Variants in NXNL1 observed in about 807,000 individuals in gnomAD.
NXNL1 encodes nucleoredoxin like 1.
Under a neutral mutation model 7.2 loss-of-function variants are expected in NXNL1, and 6 were observed. The ratio of observed to expected loss-of-function variants is 0.83; its 90% CI spans 0.46 to 1.64. The LOEUF (loss-of-function observed/expected upper bound fraction) is 1.64. NXNL1 is among the 40% of genes most tolerant of loss of function. The probability of loss-of-function intolerance (pLI) is 0.01; values close to 1 mark genes in which losing one functional copy is unlikely to be tolerated. For missense variants in NXNL1, 308 were observed against 285.1 expected, an observed-to-expected ratio of 1.08 and a Z score of -0.58; for synonymous variants, 133 against 127.2, an observed-to-expected ratio of 1.05 and a Z score of -0.31.
intron 1 of NXNL1, among the ~76,000 whole-genome samples, chr19:17,456,607 C>T (rs535250593): frequency 1.3e-5 from 2 of 152,068 alleles, no homozygotes; most frequent in Non-Finnish European, 2.9e-5. Flanking sequence ...GCTTGGCCGG[C>T]GTGGTGGCTC....
In NXNL1 at chr19:17,455,872, G is replaced by T. The variant is rs1249508323; in HGVS notation, c.414C>A (p.Ala138=). The change falls in exon 2 of 2, where the codon GCC becomes GCA. Residue 138 remains alanine, a synonymous_variant. Coordinates refer to ENST00000301944, the MANE Select transcript of NXNL1 (RefSeq NM_138454.2). The part of the protein sequence containing the change: ...PDGDVLTRDG[A]DEIQRLGTAC... ...CGGTGCCCAGGCGCTGGATCTCGTC[G>T]GCGCCGTCGCGAGTGAGCACGTCCC... 8 of 1,589,984 alleles carry T rather than the reference G, an allele frequency of 5.0e-6. No individual in the cohort carries two copies. The highest frequency in any genetic ancestry group is 6.8e-6 in the Non-Finnish European group (8 of 1,174,874).
At chr19:17,460,435 G>A in intron 1 of NXNL1, 109 bp downstream of exon 1, 2 of 1,209,294 alleles carry the variant, frequency 1.7e-6, no homozygotes, top group South Asian at 1.4e-5. Flanking sequence ...CTAGTTCCCA[G>A]TATATGGACT....
In NXNL1 at chr19:17,458,256, G is replaced by A. The variant is rs1185367849; in HGVS notation, c.326+2288C>T. 4.3e-5 allele frequency among the ~76,000 whole-genome samples: 5 copies of A among 116,696 alleles called. No homozygotes were observed. The East Asian group carries it at 7.3e-4, about 17-fold the overall frequency. The allele number at this position is 116,696 out of a possible 152,430, so 76.6% of individuals were successfully genotyped here. On this transcript the variant is annotated intron_variant, in intron 1 of 1. Transcript: ENST00000301944. ...TTTTTTTGTGACATAGTCTCGCTCT[G>A]TCGCCCAGGCTGGAGTGCAGTGGCA...
At chr19:17,459,827 T>G (rs551080472) in intron 1 of NXNL1, among the ~76,000 whole-genome samples, 2 of 152,178 alleles carry the variant, frequency 1.3e-5, no homozygotes, top group African/African-American at 2.4e-5. Flanking sequence ...CCTCTTACCA[T>G]AGCCTCCCAG....
intron 1 of NXNL1, among the ~76,000 whole-genome samples, chr19:17,458,526 T>C (rs8108324): frequency 0.21 from 31,916 of 150,748 alleles, 3,514 homozygotes; most frequent in African/African-American, 0.26. Context: ...TTTTTCATAA[T>C]AAAAAGTCAA....
intron 1 of NXNL1, among the ~76,000 whole-genome samples, chr19:17,458,718 C>T (rs959124801): frequency 1.4e-5 from 2 of 147,540 alleles, no homozygotes; most frequent in African/African-American, 5.0e-5. Flanking sequence ...TCTCGTGCTT[C>T]AGCCTCCTGA....
chr19:17,456,795 G>A (rs2074995036), intron 1 of NXNL1, among the ~76,000 whole-genome samples: 1 of 152,032 alleles, frequency 6.6e-6, no homozygotes, highest in South Asian at 2.1e-4. Flanking sequence ...AATCCCATGA[G>A]TAGATTGCCA....
At chr19:17,457,380 C>CT (rs969878136) in intron 1 of NXNL1, among the ~76,000 whole-genome samples, 2 of 150,498 alleles carry the variant, frequency 1.3e-5, no homozygotes, top group Admixed American at 6.6e-5. Context: ...TTTTCTTTTT[C>CT]TTTTTTTTAG....
rs2075009043 is a variant in NXNL1 at position 17,460,623 on chromosome 19, T to C, written c.247A>G (p.Thr83Ala). 1.2e-6 allele frequency: 2 copies of C among 1,611,722 alleles called. No homozygotes were observed. The highest frequency in any genetic ancestry group is 2.7e-5 in the African/African-American group (2 of 74,926). ...AGGAACAGGTCCTGCTGCTCCTCCG[T>C]GGAGTCCTGGGACACGTACACCAGG... ...LALVYVSQDSTEEQQDLFLKD... is the reference protein window; with the variant it reads ...LALVYVSQDSAEEQQDLFLKD... Residue 83 changes from threonine to alanine, a missense_variant, in exon 1 of 2, where the codon ACG (threonine) becomes GCG (alanine). Thr to Ala is a moderately conservative substitution (Grantham distance 58). Transcript: ENST00000301944.
chr19:17,455,984 G>C, intron 1 of NXNL1, 25 bp from the exon 2 acceptor site: 3 of 1,597,184 alleles, frequency 1.9e-6, no homozygotes, highest in Non-Finnish European at 2.5e-6. Context: ...GGTCAGTCTG[G>C]ACGGATCCAC....
chr19:17,460,871 G>A lies in NXNL1; in HGVS notation c.-2C>T, dbSNP rs749523281. The A allele has an allele frequency of 6.2e-7, 1 of 1,612,656 alleles. No homozygotes were observed. The highest frequency in any genetic ancestry group is 8.5e-7 in the Non-Finnish European group (1 of 1,180,010). ...GCGGCCAGAGAACAGGGAGGCCATG[G>A]TAACCTGGGTTGGGTGCTGGGGACA... On this transcript the variant is annotated 5_prime_UTR_variant, in exon 1 of 2. Coordinates refer to ENST00000301944, the MANE Select transcript of NXNL1 (RefSeq NM_138454.2).
rs1209762822 is a variant in NXNL1 at position 17,460,558 on chromosome 19, C to T, written c.312G>A (p.Glu104=). 1 of 1,601,012 alleles carries T rather than the reference C, an allele frequency of 6.2e-7. No individual in the cohort carries two copies. The change falls in exon 1 of 2, where the codon GAG becomes GAA. Residue 104 remains glutamate, a synonymous_variant. Coordinates refer to ENST00000301944, the MANE Select transcript of NXNL1 (RefSeq NM_138454.2). The part of the protein sequence containing the change: ...MPKKWLFLPF[E]DDLRRDLGRQ... Reference sequence around the variant, plus strand: ...CCCCTCCTCACCTCCTCAGATCATCCTCAAAGGGCAGGAAAAGCCATTTCT... The same window carrying T: ...CCCCTCCTCACCTCCTCAGATCATCTTCAAAGGGCAGGAAAAGCCATTTCT...
Position 17,455,597 on chromosome 19 carries a change from G to T in NXNL1, c.*50C>A. 1 of 1,126,974 alleles carries T rather than the reference G, an allele frequency of 8.9e-7. No individual in the cohort carries two copies. The highest frequency in any genetic ancestry group is 1.3e-6 in the Non-Finnish European group (1 of 795,088). 69.8% of individuals were successfully genotyped at this position (1,126,974 alleles called of 1,614,324 possible). Reference sequence around the variant, plus strand: ...ATTACAGGCGTGCGGGGGTGGGGTGGGGGTGGAGGTTCATCAACAAACCCC... The same window carrying T: ...ATTACAGGCGTGCGGGGGTGGGGTGTGGGTGGAGGTTCATCAACAAACCCC... On this transcript the variant is annotated 3_prime_UTR_variant, in exon 2 of 2. Transcript: ENST00000301944.
rs766900604 is a variant in NXNL1 at position 17,455,698 on chromosome 19, G to A, written c.588C>T (p.Arg196=). The A allele has an allele frequency of 1.2e-4, 170 of 1,392,164 alleles. No homozygotes were observed. The highest frequency in any genetic ancestry group is 4.6e-4 in the Admixed American group (20 of 43,796). The allele number at this position is 1,392,164 out of a possible 1,614,324, so 86.2% of individuals were successfully genotyped here. A position where few individuals can be genotyped will look rare whatever the true frequency, so the allele number is the denominator to read the frequency against. ...CCTCCCCACCCCCTCCCCCGGGGTCGCGCCCGCCTCGCGCCGCCTTTTCCA... is the reference window on the plus strand; with the variant it reads ...CCTCCCCACCCCCTCCCCCGGGGTCACGCCCGCCTCGCGCCGCCTTTTCCA... ...YRVEKAARGG[R]DPGGGGGEEG... The change falls in exon 2 of 2, where the codon CGC becomes CGT. Residue 196 remains arginine, a synonymous_variant. Coordinates refer to ENST00000301944, the MANE Select transcript of NXNL1 (RefSeq NM_138454.2).
chr19:17,458,490 G>A (rs2075001311), intron 1 of NXNL1, among the ~76,000 whole-genome samples: 1 of 151,380 alleles, frequency 6.6e-6, no homozygotes, highest in African/African-American at 2.4e-5. Flanking sequence ...TTACAAGCGT[G>A]AGCCACTGCA....
intron 1 of NXNL1, 122 bp from the exon 2 acceptor site, chr19:17,456,081 C>T: frequency 6.7e-7 from 1 of 1,493,830 alleles, no homozygotes; most frequent in Admixed American, 2.2e-5. Context: ...TTGCCGGGCA[C>T]TGGGTAGGTG....
In NXNL1 at chr19:17,460,525, C is replaced by G. The variant is rs373457312; in HGVS notation, c.326+19G>C. ...GAACATGCCCCCTCCTCCAGGAAGC[C>G]CTCCCTGCCCCTCCTCACCTCCTCA... On this transcript the variant is annotated intron_variant, in intron 1 of 1. Coordinates refer to ENST00000301944, the MANE Select transcript of NXNL1 (RefSeq NM_138454.2). 1.0e-5 allele frequency: 16 copies of G among 1,598,664 alleles called. No individual in the cohort carries two copies. The highest frequency in any genetic ancestry group is 1.7e-4 in the Middle Eastern group (1 of 6,058).
Position 17,455,664 on chromosome 19 carries a change from C to A in NXNL1, c.622G>T (p.Ala208Ser), listed in dbSNP as rs1272845797. 1.6e-5 allele frequency: 8 copies of A among 514,968 alleles called. No individual in the cohort carries two copies. Among genetic ancestry groups the A allele is most frequent in the Admixed American group, 2.7e-5 (1 of 37,592 alleles). 31.9% of individuals were successfully genotyped at this position (514,968 alleles called of 1,614,324 possible). Residue 208 changes from alanine (A) to serine (S), a missense_variant, in exon 2 of 2, where the codon GCC becomes TCC. By Grantham distance (99) the Ala-to-Ser change is moderately conservative. Transcript: ENST00000301944. ...PGGGGGEEGG[A>S]GGLF ...CTAGCGGGTCAGAACAGCCCCCCGG[C>A]CCCGCCCTCCTCCCCACCCCCTCCC...
Position 17,455,671 on chromosome 19 carries a change from C to CCCCCCCCCCCCCCCCCCCCCCCGGGGG in NXNL1, c.614_615insCCCCCGGGGGGGGGGGGGGGGGGGGGG (p.Glu205delinsAspProArgGlyGlyGlyGlyGlyGlyGly). 9.3e-7 allele frequency: 1 copy of CCCCCCCCCCCCCCCCCCCCCCCGGGGG among 1,079,740 alleles called. No individual in the cohort carries two copies. The highest frequency in any genetic ancestry group is 1.3e-6 in the Non-Finnish European group (1 of 744,338). 66.9% of individuals were successfully genotyped at this position (1,079,740 alleles called of 1,614,324 possible). On this transcript the variant is annotated protein_altering_variant, in exon 2 of 2. Coordinates refer to ENST00000301944, the MANE Select transcript of NXNL1 (RefSeq NM_138454.2). ...GTCAGAACAGCCCCCCGGCCCCGCCCTCCTCCCCACCCCCTCCCCCGGGGT... is the reference window on the plus strand; with the variant it reads ...GTCAGAACAGCCCCCCGGCCCCGCCCCCCCCCCCCCCCCCCCCCCCCCGGGGGTCCTCCCCACCCCCTCCCCCGGGGT...
Sources: gnomAD v4.1 joint callset for allele counts (sites outside exome capture counted in the v4.1 genomes callset) on GRCh38, gnomAD v4.1.1 for gene constraint, MANE v1.5 for transcripts, NCBI Gene and HGNC (gene_info 2026-07-23, HGNC 2026-07-21) for gene names.